GNB1L: variants seen among roughly 807,000 people sequenced by gnomAD.
GNB1L encodes G protein subunit beta 1 like.
GNB1L carries 20 observed loss-of-function variants against 29.1 expected under a neutral mutation model. The observed-to-expected ratio is 0.69, with a 90% CI of 0.48 to 1.00. The LOEUF (loss-of-function observed/expected upper bound fraction) is 1.00, where lower values mean the gene tolerates loss of function less well. Ranked by LOEUF, GNB1L falls within the 50% of genes least tolerant of loss-of-function variation. The pLI is 0.00. For missense variants in GNB1L, 421 were observed against 464.9 expected (o/e 0.91, Z 0.87); for synonymous variants, 193 against 206.5 (o/e 0.93, Z 0.56).
chr22:19,785,381 C>T lies in GNB1L; in HGVS notation c.*3328G>A, dbSNP rs5748424. On this transcript the variant is annotated 3_prime_UTR_variant, in exon 8 of 8. Coordinates refer to ENST00000329517, the MANE Select transcript of GNB1L (RefSeq NM_053004.3). The surrounding 1 kb of genome is among the most constrained non-coding windows in gnomAD (Gnocchi z 4.1). ...CCGAGACTGCTCCATTGCACTCCAG[C>T]CTGGGGGACAGAGTGAGACTCTGAC... The T allele has an allele frequency of 6.6e-6, 1 of 151,964 alleles. No homozygotes were observed. The allele number at this position is 151,964 out of a possible 1,614,324, so 9.4% of individuals were successfully genotyped here. A position where few individuals can be genotyped will look rare whatever the true frequency, so the allele number is the denominator to read the frequency against.
Position 19,788,849 on chromosome 22 carries a change from A to G in GNB1L, c.844T>C (p.Trp282Arg). ...ACGGCCAGTGGCTGCATCGTCCGCC[A>G]GTGGAACACGCGGATGCGGTGGTCC... ...GWDHRIRVFH[W>R]RTMQPLAVLA... Residue 282 changes from tryptophan (W) to arginine (R), a missense_variant, in exon 8 of 8, where the codon TGG becomes CGG. Coordinates refer to ENST00000329517, the MANE Select transcript of GNB1L (RefSeq NM_053004.3). 1 of 1,612,838 alleles carries G rather than the reference A, an allele frequency of 6.2e-7. No individual in the cohort carries two copies. Among genetic ancestry groups the G allele is most frequent in the Admixed American group, 1.7e-5 (1 of 60,010 alleles).
chr22:19,784,309 C>T lies in GNB1L; in HGVS notation c.*4400G>A, dbSNP rs956030182. 3.9e-5 allele frequency: 6 copies of T among 152,242 alleles called. No individual in the cohort carries two copies. The highest frequency in any genetic ancestry group is 1.4e-4 in the African/African-American group (6 of 41,456). 9.4% of individuals were successfully genotyped at this position (152,242 alleles called of 1,614,324 possible). A position where few individuals can be genotyped will look rare whatever the true frequency, so the allele number is the denominator to read the frequency against. Reference sequence around the variant, plus strand: ...GCACAGCACGTCAACATGGAGCGCCCAGCAGCGGCGGCGGGTCCTGGGCTG... The same window carrying T: ...GCACAGCACGTCAACATGGAGCGCCTAGCAGCGGCGGCGGGTCCTGGGCTG... On this transcript the variant is annotated 3_prime_UTR_variant, in exon 8 of 8. Coordinates refer to ENST00000329517, the MANE Select transcript of GNB1L (RefSeq NM_053004.3).
At chr22:19,800,345 C>G (rs1937355350) in intron 7 of GNB1L, among the ~76,000 whole-genome samples, 2 of 152,184 alleles carry the variant, frequency 1.3e-5, no homozygotes, top group South Asian at 4.1e-4. Context: ...TCCGGGGGCT[C>G]TCAGGGAAGC....
intron 2 of GNB1L, among the ~76,000 whole-genome samples, chr22:19,842,786 G>A (rs542440206): frequency 2.0e-4 from 30 of 152,316 alleles, no homozygotes; most frequent in African/African-American, 7.2e-4. Flanking sequence ...GCCAGCTACT[G>A]GAGATACCAG....
At chr22:19,805,496 G>C (rs917829082) in intron 6 of GNB1L, among the ~76,000 whole-genome samples, 1 of 152,236 alleles carries the variant, frequency 6.6e-6, no homozygotes, top group Non-Finnish European at 1.5e-5. Flanking sequence ...AAAGGAGGGT[G>C]CCTGGGCCGG....
At chr22:19,842,065 T>A (rs1445460794) in intron 2 of GNB1L, among the ~76,000 whole-genome samples, 1 of 152,194 alleles carries the variant, frequency 6.6e-6, no homozygotes, top group Non-Finnish European at 1.5e-5. Context: ...AGGCTACACC[T>A]GGAACCAGAA....
intron 2 of GNB1L, among the ~76,000 whole-genome samples, chr22:19,845,558 C>T (rs1937942456): frequency 6.6e-6 from 1 of 152,224 alleles, no homozygotes; most frequent in African/African-American, 2.4e-5. Flanking sequence ...CATCCACAGG[C>T]CCCAGCCCTG....
In GNB1L at chr22:19,812,456, C is replaced by A; in HGVS notation, c.255-9G>T. ...TCAGGTCCCGGCCCTGACTGCCAGA[C>A]AAAGAGGAGACAGGCCTGAGACTCC... is the stretch of plus-strand genomic sequence containing the variant. On this transcript the variant is annotated splice_polypyrimidine_tract_variant and intron_variant, in intron 4 of 7. Coordinates refer to ENST00000329517, the MANE Select transcript of GNB1L (RefSeq NM_053004.3). 3 of 1,609,470 alleles carry A rather than the reference C, an allele frequency of 1.9e-6. No individual in the cohort carries two copies. Among genetic ancestry groups the A allele is most frequent in the Non-Finnish European group, 1.7e-6 (2 of 1,177,476 alleles).
At chr22:19,851,716 C>A in intron 2 of GNB1L, 1 of 1,602,990 alleles carries the variant, frequency 6.2e-7, no homozygotes, top group Non-Finnish European at 8.5e-7. Context: ...CAAAACTGTT[C>A]GGGTCTTGAA....
At chr22:19,794,975 G>A (rs1048716791) in intron 7 of GNB1L, among the ~76,000 whole-genome samples, 3 of 152,064 alleles carry the variant, frequency 2.0e-5, no homozygotes, top group African/African-American at 7.2e-5. Context: ...GTGAGACTCC[G>A]TCTCAAAACA....
intron 2 of GNB1L, among the ~76,000 whole-genome samples, chr22:19,845,606 C>T (rs1359472258): frequency 2.0e-5 from 3 of 152,220 alleles, no homozygotes; most frequent in African/African-American, 2.4e-5. Flanking sequence ...GGAAAGGAGC[C>T]GGCCAATGAG....
chr22:19,847,672 T>C (rs1042101182), intron 2 of GNB1L: 9 of 984,536 alleles, frequency 9.1e-6, no homozygotes, highest in Admixed American at 6.2e-5. Context: ...AGTCACAGCA[T>C]GCATGTGCCT....
chr22:19,801,732 C>T (rs1937374411), intron 7 of GNB1L, among the ~76,000 whole-genome samples: 1 of 148,442 alleles, frequency 6.7e-6, no homozygotes, highest in Non-Finnish European at 1.5e-5. Flanking sequence ...TTTGAGTATT[C>T]CTGGACTCTG....
intron 4 of GNB1L, among the ~76,000 whole-genome samples, chr22:19,818,280 T>A (rs1240633511): frequency 6.6e-6 from 1 of 152,248 alleles, no homozygotes; most frequent in Non-Finnish European, 1.5e-5. Context: ...ACAAGGCACC[T>A]ACGCAAGGGA....
chr22:19,829,884 C>A (rs994259886), intron 2 of GNB1L, among the ~76,000 whole-genome samples: 13 of 151,904 alleles, frequency 8.6e-5, no homozygotes, highest in Non-Finnish European at 1.8e-4. Context: ...GGTCCTAAAT[C>A]CAACATATTA....
At position 19,827,624 on chromosome 22, in the gene GNB1L, G is replaced by A. The variant is rs539798772; in HGVS notation, c.-20-6249C>T. On this transcript the variant is annotated intron_variant, in intron 2 of 7. Coordinates refer to ENST00000329517, the MANE Select transcript of GNB1L (RefSeq NM_053004.3). ...TAACCTAATTAATAATCCTGGGAAT[G>A]CCTGTCAAAACTACAATGTGATATA... Among the ~76,000 whole-genome samples the A allele has an allele frequency of 2.6e-5, 4 of 152,316 alleles. No individual in the cohort carries two copies. The South Asian group carries it at 8.3e-4, about 32-fold the overall frequency.
chr22:19,832,252 C>A (rs1333604276), intron 2 of GNB1L, among the ~76,000 whole-genome samples: 1 of 152,168 alleles, frequency 6.6e-6, no homozygotes, highest in Non-Finnish European at 1.5e-5. Flanking sequence ...ATCACTTAAG[C>A]CCAGGAGTTC....
At chr22:19,848,686 G>A in intron 2 of GNB1L, 1 of 985,316 alleles carries the variant, frequency 1.0e-6, no homozygotes, top group Admixed American at 6.1e-5. Flanking sequence ...TGCCTAGGTG[G>A]ATGCTGCATG....
Position 19,784,976 on chromosome 22 carries a change from A to T in GNB1L, c.*3733T>A, listed in dbSNP as rs1158426863. The T allele has an allele frequency of 1.3e-5, 2 of 152,284 alleles. No homozygotes were observed. The highest frequency in any genetic ancestry group is 3.9e-4 in the East Asian group (2 of 5,192). 9.4% of individuals were successfully genotyped at this position (152,284 alleles called of 1,614,324 possible). A position where few individuals can be genotyped will look rare whatever the true frequency, so the allele number is the denominator to read the frequency against. On this transcript the variant is annotated 3_prime_UTR_variant, in exon 8 of 8. Coordinates refer to ENST00000329517, the MANE Select transcript of GNB1L (RefSeq NM_053004.3). Reference sequence around the variant, plus strand: ...CAGGGCTGGGGCTCACAGCCACGAGAATCTGGATTTGAACAGAAAAAGCCC... The same window carrying T: ...CAGGGCTGGGGCTCACAGCCACGAGTATCTGGATTTGAACAGAAAAAGCCC...
Sources: gnomAD v4.1 joint callset for allele counts (sites outside exome capture counted in the v4.1 genomes callset) on GRCh38, gnomAD v4.1.1 for gene constraint, Gnocchi (gnomAD v3.1) non-coding constraint, MANE v1.5 for transcripts, NCBI Gene and HGNC (gene_info 2026-07-23, HGNC 2026-07-21) for gene names.